The following PPP3R1 variants were observed in gnomAD, a reference collection of about 807,000 sequenced individuals.
The protein encoded by PPP3R1 is protein phosphatase 3 regulatory subunit B, alpha.
In PPP3R1, 5 loss-of-function variants were observed where a neutral mutation model predicts 22.6. The observed-to-expected ratio is 0.22, with a 90% CI of 0.12 to 0.46. The LOEUF (loss-of-function observed/expected upper bound fraction) is 0.46. Ranked by LOEUF, PPP3R1 falls within the 20% of genes least tolerant of loss-of-function variation. PPP3R1 has a pLI of 0.99. For synonymous variants in PPP3R1, 56 were observed against 65.2 expected (o/e 0.86, Z 0.68); for missense variants, 61 against 203.2 (o/e 0.30, Z 4.25).
At chr2:68,216,475 A>AATTT (rs1553407105) in intron 2 of PPP3R1, among the ~76,000 whole-genome samples, 4 of 144,566 alleles carry the variant, frequency 2.8e-5, no homozygotes, top group South Asian at 2.3e-4. Flanking sequence ...AAAATTAAAA[A>AATTT]TTAAAAAAAA....
chr2:68,202,422 T>C (rs1674999603), intron 2 of PPP3R1, among the ~76,000 whole-genome samples: 1 of 144,558 alleles, frequency 6.9e-6, no homozygotes, highest in Non-Finnish European at 1.6e-5. Context: ...GTTGTTGTTG[T>C]TGTTGTTGTT....
chr2:68,252,271 C>T lies in PPP3R1; in HGVS notation c.-144G>A. 1.9e-6 allele frequency: 2 copies of T among 1,039,572 alleles called. No individual in the cohort carries two copies. Among genetic ancestry groups the T allele is most frequent in the Non-Finnish European group, 2.3e-6 (2 of 868,154 alleles). 64.4% of individuals were successfully genotyped at this position (1,039,572 alleles called of 1,614,324 possible). Reference sequence around the variant, plus strand: ...GGGGGCGCGCGTGGGGGAGGGGAGGCGGCGCCGCGGGGCCCGCGCCGGCCG... The same window carrying T: ...GGGGGCGCGCGTGGGGGAGGGGAGGTGGCGCCGCGGGGCCCGCGCCGGCCG... On this transcript the variant is annotated 5_prime_UTR_variant, in exon 1 of 6. Transcript: ENST00000234310.
chr2:68,208,051 G>A (rs1012334861), intron 2 of PPP3R1, among the ~76,000 whole-genome samples: 1 of 152,138 alleles, frequency 6.6e-6, no homozygotes, highest in Non-Finnish European at 1.5e-5. Context: ...AGCTACTTGG[G>A]AGGCTGAGAG....
In PPP3R1 at chr2:68,193,835, G is replaced by T. The variant is rs538288630; in HGVS notation, c.44-5145C>A. ...ATTTAGTTTCAGTATATTTATAGAAGATCTGCACTTAGTACCAGTTAAATA... is the reference window on the plus strand; with the variant it reads ...ATTTAGTTTCAGTATATTTATAGAATATCTGCACTTAGTACCAGTTAAATA... On this transcript the variant is annotated intron_variant, in intron 2 of 5. Coordinates refer to ENST00000234310, the MANE Select transcript of PPP3R1 (RefSeq NM_000945.4). Among the ~76,000 whole-genome samples, 3 of 152,160 alleles carry T rather than the reference G, an allele frequency of 2.0e-5. No homozygotes were observed. The East Asian group carries it at 5.8e-4, about 29-fold the overall frequency.
chr2:68,188,750 A>C, intron 2 of PPP3R1, 60 bp from the exon 3 acceptor site: 1 of 1,439,848 alleles, frequency 6.9e-7, no homozygotes, highest in East Asian at 2.5e-5. Flanking sequence ...ATCCTTTCTA[A>C]TGGGCAGTAG....
chr2:68,197,351 C>T (rs539873079), intron 2 of PPP3R1, among the ~76,000 whole-genome samples: 1 of 152,292 alleles, frequency 6.6e-6, no homozygotes, highest in Admixed American at 6.5e-5. Context: ...CATGTTGTTG[C>T]ATGTGTCAGT....
chr2:68,186,343 C>T (rs530675860), intron 5 of PPP3R1, 125 bp downstream of exon 5: 60 of 831,868 alleles, frequency 7.2e-5, no homozygotes, highest in South Asian at 4.9e-4. Flanking sequence ...CAAAACAATA[C>T]GGGCAATTAG....
intron 2 of PPP3R1, among the ~76,000 whole-genome samples, chr2:68,203,836 C>G (rs1043518521): frequency 1.3e-5 from 2 of 152,144 alleles, no homozygotes; most frequent in South Asian, 4.1e-4. Context: ...AGCGTTCTAA[C>G]GGCTAGAAGG....
intron 2 of PPP3R1, among the ~76,000 whole-genome samples, chr2:68,214,285 A>G (rs1455251877): frequency 6.6e-6 from 1 of 152,166 alleles, no homozygotes; most frequent in African/African-American, 2.4e-5. Flanking sequence ...AAAACTGACA[A>G]ATCAGACCTA....
At chr2:68,218,827 T>G (rs1669630064) in intron 1 of PPP3R1, among the ~76,000 whole-genome samples, 2 of 152,088 alleles carry the variant, frequency 1.3e-5, no homozygotes, top group African/African-American at 4.8e-5. Context: ...CAGGTCCTTG[T>G]TTCTCCAGTT....
At chr2:68,201,680 G>A (rs563211391) in intron 2 of PPP3R1, among the ~76,000 whole-genome samples, 5 of 152,186 alleles carry the variant, frequency 3.3e-5, no homozygotes, top group East Asian at 1.9e-4. Flanking sequence ...TCAAGAACTC[G>A]TTTAAGTTAA....
chr2:68,220,927 T>C (rs1021949566), intron 1 of PPP3R1, among the ~76,000 whole-genome samples: 1 of 152,168 alleles, frequency 6.6e-6, no homozygotes, highest in African/African-American at 2.4e-5. Context: ...TTTTTGGCTA[T>C]GGGGTTTCCT....
At chr2:68,183,812 C>T (rs1399822370) in intron 5 of PPP3R1, among the ~76,000 whole-genome samples, 1 of 152,068 alleles carries the variant, frequency 6.6e-6, no homozygotes, top group African/African-American at 2.4e-5. Context: ...TGGTGAGATC[C>T]TTGGCTTTGC....
At chr2:68,203,917 C>T (rs1675048584) in intron 2 of PPP3R1, among the ~76,000 whole-genome samples, 1 of 152,102 alleles carries the variant, frequency 6.6e-6, no homozygotes, top group Non-Finnish European at 1.5e-5. Context: ...CTTAGGGGAC[C>T]TTCTAACAAA....
intron 2 of PPP3R1, among the ~76,000 whole-genome samples, chr2:68,205,850 G>A (rs959524772): frequency 4.0e-5 from 6 of 151,164 alleles, no homozygotes; most frequent in Non-Finnish European, 7.4e-5. Flanking sequence ...AGGGGGTTTC[G>A]CTCTTGTTGC....
intron 1 of PPP3R1, among the ~76,000 whole-genome samples, chr2:68,221,148 A>G (rs1017319062): frequency 3.3e-5 from 5 of 152,130 alleles, no homozygotes; most frequent in African/African-American, 1.2e-4. Context: ...CCTGGTCAAC[A>G]TGGTGAAATC....
intron 5 of PPP3R1, among the ~76,000 whole-genome samples, chr2:68,182,088 C>CACA (rs1553403359): frequency 8.6e-6 from 1 of 115,686 alleles, no homozygotes; most frequent in Non-Finnish European, 1.8e-5. Context: ...CCTCCCCCCA[C>CACA]CACACACACA....
intron 2 of PPP3R1, among the ~76,000 whole-genome samples, chr2:68,193,182 C>T (rs1272096337): frequency 6.6e-6 from 1 of 152,126 alleles, no homozygotes; most frequent in Non-Finnish European, 1.5e-5. Flanking sequence ...CCAGTGATCA[C>T]ATTTTACCTT....
At position 68,249,728 on chromosome 2, in the gene PPP3R1, G is replaced by GA. The variant is rs771847496; in HGVS notation, c.3+2396_3+2397insT. 2.9e-3 allele frequency among the ~76,000 whole-genome samples: 403 copies of GA among 136,992 alleles called. 2 individuals carry two copies. The highest frequency in any genetic ancestry group is 8.0e-3 in the African/African-American group (293 of 36,634). The allele number at this position is 136,992 out of a possible 152,430, so 89.9% of individuals were successfully genotyped here. ...AGGGAGGGAAAGACTTTAACTTTCA[G>GA]GAAAAAAAAAAATAAACTACGTTTA... On this transcript the variant is annotated intron_variant, in intron 1 of 5. Transcript: ENST00000234310.
Sources: allele counts gnomAD v4.1 joint callset (sites outside exome capture counted in the v4.1 genomes callset), GRCh38; gene constraint gnomAD v4.1.1; transcripts MANE v1.5; gene names NCBI Gene and HGNC (gene_info 2026-07-23, HGNC 2026-07-21).